Variants in CDH12 observed in about 807,000 individuals in gnomAD.
The protein encoded by CDH12 is cadherin 12, also known as cadherin-12.
CDH12 carries 41 observed loss-of-function variants against 74.1 expected under a neutral mutation model. The observed-to-expected ratio is 0.55, with a 90% CI of 0.43 to 0.72. CDH12 has a LOEUF of 0.72. Among genes scored for constraint, CDH12 ranks in the 30% least tolerant of loss-of-function variants. CDH12 has a pLI of 0.00. For missense variants in CDH12, 945 were observed against 977.2 expected (o/e 0.97, Z 0.44); for synonymous variants, 399 against 355.0 (o/e 1.12, Z -1.39).
intron 3 of CDH12, among the ~76,000 whole-genome samples, chr5:22,307,447 C>T (rs758259310): frequency 3.3e-5 from 5 of 152,126 alleles, no homozygotes; most frequent in Non-Finnish European, 4.4e-5. Context: ...GAGTAGGAGA[C>T]ACAATGTGTA....
At chr5:22,687,715 C>T (rs972062049) in intron 1 of CDH12, among the ~76,000 whole-genome samples, 2 of 152,176 alleles carry the variant, frequency 1.3e-5, no homozygotes, top group African/African-American at 2.4e-5. Context: ...GTGCCTGGCT[C>T]ATGCTCCACA....
chr5:21,977,190 T>A (rs1405494700), intron 5 of CDH12, among the ~76,000 whole-genome samples: 1 of 152,090 alleles, frequency 6.6e-6, no homozygotes, highest in Non-Finnish European at 1.5e-5. Context: ...TGATGTTTCT[T>A]TAAAAGTTTC....
At chr5:22,342,457 C>G (rs1739894923) in intron 3 of CDH12, among the ~76,000 whole-genome samples, 1 of 152,044 alleles carries the variant, frequency 6.6e-6, no homozygotes, top group Non-Finnish European at 1.5e-5. Flanking sequence ...AAGTCTATTA[C>G]CATTTGTACT....
chr5:22,378,153 G>T (rs1741615951), intron 3 of CDH12, among the ~76,000 whole-genome samples: 1 of 151,970 alleles, frequency 6.6e-6, no homozygotes, highest in African/African-American at 2.4e-5. Context: ...CTTATAATAG[G>T]TACAGGTAAA....
chr5:22,063,049 A>G (rs997518745), intron 5 of CDH12, among the ~76,000 whole-genome samples: 1 of 152,174 alleles, frequency 6.6e-6, no homozygotes, highest in Non-Finnish European at 1.5e-5. Context: ...ATATGTTAGT[A>G]TATTTTGGTG....
intron 3 of CDH12, among the ~76,000 whole-genome samples, chr5:22,400,762 C>T (rs142829120): frequency 7.2e-5 from 11 of 152,146 alleles, no homozygotes; most frequent in African/African-American, 2.4e-4. Flanking sequence ...CACTGGGAAG[C>T]GAGTGGAGGT....
chr5:22,604,097 C>A (rs546784057), intron 1 of CDH12, among the ~76,000 whole-genome samples: 9 of 152,310 alleles, frequency 5.9e-5, no homozygotes, highest in African/African-American at 2.2e-4. Flanking sequence ...ATATGTCAGC[C>A]ATGTTTCAGA....
At chr5:22,206,686 A>C (rs1751239760) in intron 4 of CDH12, among the ~76,000 whole-genome samples, 1 of 133,488 alleles carries the variant, frequency 7.5e-6, no homozygotes, top group African/African-American at 2.7e-5. Flanking sequence ...CTGCAAAAAA[A>C]AAAAAAAAAA....
chr5:22,504,652 T>C (rs921157130), intron 2 of CDH12, among the ~76,000 whole-genome samples: 2 of 152,062 alleles, frequency 1.3e-5, no homozygotes, highest in Non-Finnish European at 2.9e-5. Context: ...ACTATGTCTG[T>C]GAAGGTTAAC....
At chr5:21,816,448 A>C (rs1246265942) in intron 9 of CDH12, among the ~76,000 whole-genome samples, 2 of 151,388 alleles carry the variant, frequency 1.3e-5, no homozygotes, top group African/African-American at 4.9e-5. Flanking sequence ...AACATGGTGA[A>C]ATCCCTTCTC....
At chr5:22,714,849 G>A (rs564903746) in intron 1 of CDH12, among the ~76,000 whole-genome samples, 4 of 152,248 alleles carry the variant, frequency 2.6e-5, no homozygotes, top group South Asian at 2.1e-4. Flanking sequence ...GCTTAACAAC[G>A]TACTTTGTTG....
intron 14 of CDH12, among the ~76,000 whole-genome samples, chr5:21,754,318 C>T (rs1357322616): frequency 6.6e-6 from 1 of 152,068 alleles, no homozygotes; most frequent in Non-Finnish European, 1.5e-5. Context: ...AGGAATACTC[C>T]AGGACTCAGC....
intron 4 of CDH12, chr5:22,151,805 T>C (rs1394708807): frequency 6.6e-6 from 1 of 152,196 alleles, no homozygotes; most frequent in Non-Finnish European, 1.5e-5. Context: ...CAAGATTTTA[T>C]TGTATCTTTT....
At chr5:22,453,602 G>C (rs1052925222) in intron 2 of CDH12, among the ~76,000 whole-genome samples, 4 of 152,080 alleles carry the variant, frequency 2.6e-5, no homozygotes, top group Non-Finnish European at 2.9e-5. Context: ...GCTTATGAGA[G>C]AGGTTGGTTA....
chr5:22,032,697 G>C (rs568089771), intron 5 of CDH12, among the ~76,000 whole-genome samples: 12 of 136,134 alleles, frequency 8.8e-5, no homozygotes, highest in African/African-American at 3.5e-4. Context: ...GATAGAGTGA[G>C]ATTCCATCTC....
intron 2 of CDH12, among the ~76,000 whole-genome samples, chr5:22,487,477 T>C (rs1401426228): frequency 1.3e-5 from 2 of 152,132 alleles, no homozygotes; most frequent in African/African-American, 4.8e-5. Context: ...AATGCTGTAA[T>C]TTAACTGCCA....
intron 1 of CDH12, among the ~76,000 whole-genome samples, chr5:22,739,366 G>T (rs549331813): frequency 6.6e-6 from 1 of 151,292 alleles, no homozygotes. Flanking sequence ...ACAATACTAC[G>T]TAAAATATAT....
intron 1 of CDH12, among the ~76,000 whole-genome samples, chr5:22,605,393 T>C (rs943442913): frequency 6.6e-6 from 1 of 152,176 alleles, no homozygotes; most frequent in Admixed American, 6.5e-5. Flanking sequence ...CAGTCCCTCA[T>C]GAGAGGCAGA....
chr5:22,194,389 T>C (rs1750504127), intron 4 of CDH12, among the ~76,000 whole-genome samples: 1 of 151,506 alleles, frequency 6.6e-6, no homozygotes, highest in Non-Finnish European at 1.5e-5. Context: ...TAGAGTTCAG[T>C]GGCACAATTT....
Sources: gnomAD v4.1 joint callset for allele counts (sites outside exome capture counted in the v4.1 genomes callset) on GRCh38, gnomAD v4.1.1 for gene constraint, MANE v1.5 for transcripts, NCBI Gene and HGNC (gene_info 2026-07-23, HGNC 2026-07-21) for gene names.